The following GPC5 variants were observed in gnomAD, a reference collection of about 807,000 sequenced individuals.
The protein encoded by GPC5 is glypican 5.
In GPC5, 47 loss-of-function variants were observed where a neutral mutation model predicts 53.9. The ratio of observed to expected loss-of-function variants is 0.87; its 90% confidence interval spans 0.69 to 1.11. The LOEUF (loss-of-function observed/expected upper bound fraction) is 1.11. GPC5 is among the 50% of genes most tolerant of loss of function. The probability of loss-of-function intolerance (pLI) is 0.00; values close to 1 mark genes in which losing one functional copy is unlikely to be tolerated. For synonymous variants in GPC5, 286 were observed against 263.3 expected, an observed-to-expected ratio of 1.09 and a Z score of -0.84; for missense variants, 748 against 713.1, an observed-to-expected ratio of 1.05 and a Z score of -0.56.
chr13:92,795,528 ACT>A (rs1876641512), intron 7 of GPC5, among the ~76,000 whole-genome samples: 1 of 152,174 alleles, frequency 6.6e-6, no homozygotes, highest in Non-Finnish European at 1.5e-5. Flanking sequence ...GCCAAAATAG[ACT>A]AATGGGATCT....
chr13:92,751,881 G>A (rs955439774), intron 7 of GPC5, among the ~76,000 whole-genome samples: 6 of 152,130 alleles, frequency 3.9e-5, no homozygotes, highest in African/African-American at 1.4e-4. Context: ...TGGCCAACTA[G>A]GTTATTGCCT....
intron 7 of GPC5, among the ~76,000 whole-genome samples, chr13:92,297,098 G>A (rs532051545): frequency 7.9e-5 from 12 of 152,356 alleles, no homozygotes; most frequent in South Asian, 4.1e-4. Context: ...GCCCCTGTGC[G>A]GGATCCACTA....
At chr13:91,703,656 C>A (rs1379168217) in intron 3 of GPC5, among the ~76,000 whole-genome samples, 6 of 152,020 alleles carry the variant, frequency 3.9e-5, no homozygotes, top group Non-Finnish European at 8.8e-5. Context: ...GTAATGCTGG[C>A]CTTATAAAAT....
intron 5 of GPC5, among the ~76,000 whole-genome samples, chr13:91,851,278 T>A (rs1487769073): frequency 6.6e-6 from 1 of 151,948 alleles, no homozygotes; most frequent in South Asian, 2.1e-4. Context: ...AGTAAACAGA[T>A]CTAAACATGG....
At chr13:91,667,021 A>G (rs916904968) in intron 2 of GPC5, among the ~76,000 whole-genome samples, 1 of 152,206 alleles carries the variant, frequency 6.6e-6, no homozygotes, top group Non-Finnish European at 1.5e-5. Context: ...GCATTTCACC[A>G]TAGAGAATTA....
At chr13:91,659,083 A>G (rs1208165866) in intron 2 of GPC5, among the ~76,000 whole-genome samples, 1 of 152,214 alleles carries the variant, frequency 6.6e-6, no homozygotes, top group Non-Finnish European at 1.5e-5. Flanking sequence ...GCATTTGTTG[A>G]ATAAGTAAAT....
At chr13:91,941,168 A>G (rs112869559) in intron 6 of GPC5, among the ~76,000 whole-genome samples, 3,220 of 151,834 alleles carry the variant, frequency 0.021, 103 homozygotes, top group African/African-American at 0.074. Flanking sequence ...TAGGCATGTG[A>G]CTTTATTTCA....
chr13:92,102,784 T>C (rs994462168), intron 6 of GPC5, among the ~76,000 whole-genome samples: 1 of 152,198 alleles, frequency 6.6e-6, no homozygotes, highest in Non-Finnish European at 1.5e-5. Context: ...GGTCTGTACC[T>C]CAGCACTTTC....
chr13:92,129,670 C>G (rs1296320022), intron 6 of GPC5, among the ~76,000 whole-genome samples: 1 of 152,098 alleles, frequency 6.6e-6, no homozygotes, highest in African/African-American at 2.4e-5. Context: ...CATTCTAAAA[C>G]AGAAATACAA....
intron 3 of GPC5, among the ~76,000 whole-genome samples, chr13:91,702,178 G>A (rs1214719901): frequency 1.3e-5 from 2 of 151,994 alleles, no homozygotes; most frequent in Admixed American, 6.6e-5. Flanking sequence ...AGTTCCTTAT[G>A]TATTTTGGCT....
chr13:91,652,546 G>A (rs1276642328), intron 2 of GPC5, among the ~76,000 whole-genome samples: 2 of 152,086 alleles, frequency 1.3e-5, no homozygotes, highest in East Asian at 1.9e-4. Context: ...TTACCCAGAG[G>A]GCTAAGCAAC....
chr13:91,749,921 C>T (rs1341851152), intron 4 of GPC5, among the ~76,000 whole-genome samples: 12 of 152,148 alleles, frequency 7.9e-5, no homozygotes, highest in Non-Finnish European at 1.5e-5. Flanking sequence ...AGCAATTCTC[C>T]TCCTCAGCCT....
At chr13:92,167,931 ACATCG>A (rs1408512057) in intron 7 of GPC5, among the ~76,000 whole-genome samples, 1 of 152,190 alleles carries the variant, frequency 6.6e-6, no homozygotes, top group African/African-American at 2.4e-5. Flanking sequence ...TAGAAGTGAC[ACATCG>A]TTAGATCCAA....
intron 7 of GPC5, among the ~76,000 whole-genome samples, chr13:92,555,441 T>C (rs1198736755): frequency 6.6e-6 from 1 of 151,352 alleles, no homozygotes. Flanking sequence ...AAGGAAACAT[T>C]TAGCTCAATT....
chr13:91,715,462 A>G (rs1322679960), intron 3 of GPC5, among the ~76,000 whole-genome samples: 3 of 152,224 alleles, frequency 2.0e-5, no homozygotes, highest in Non-Finnish European at 4.4e-5. Flanking sequence ...AGAAGTATAG[A>G]GTATAATTCT....
chr13:92,372,802 G>T (rs1386915856), intron 7 of GPC5, among the ~76,000 whole-genome samples: 1 of 152,190 alleles, frequency 6.6e-6, no homozygotes, highest in Non-Finnish European at 1.5e-5. Context: ...CAGGCTGAAA[G>T]ATCACTTCAG....
chr13:92,859,009 G>A (rs1212865571), intron 7 of GPC5, among the ~76,000 whole-genome samples: 1 of 152,136 alleles, frequency 6.6e-6, no homozygotes, highest in Non-Finnish European at 1.5e-5. Context: ...GGAAACCAAG[G>A]CAGGGGTATC....
At chr13:92,269,105 C>A (rs1487748435) in intron 7 of GPC5, among the ~76,000 whole-genome samples, 1 of 151,894 alleles carries the variant, frequency 6.6e-6, no homozygotes, top group African/African-American at 2.4e-5. Flanking sequence ...CTTATTTTGT[C>A]TTTGGAAATG....
chr13:91,550,485 A>AT (rs1339316517), intron 2 of GPC5, among the ~76,000 whole-genome samples: 4 of 152,092 alleles, frequency 2.6e-5, no homozygotes, highest in African/African-American at 4.8e-5. Context: ...AGAATTTGTA[A>AT]TTTTTGCTAA....
Sources: allele counts gnomAD v4.1 joint callset (sites outside exome capture counted in the v4.1 genomes callset), GRCh38; gene constraint gnomAD v4.1.1; transcripts MANE v1.5; gene names NCBI Gene and HGNC (gene_info 2026-07-23, HGNC 2026-07-21).